The following LONP2 variants were observed in gnomAD, a reference collection of about 807,000 sequenced individuals.
LONP2 encodes lon peptidase 2, peroxisomal.
A neutral mutation model predicts 85.6 loss-of-function variants in LONP2; 60 were observed. The observed-to-expected ratio is 0.70, with a 90% confidence interval of 0.57 to 0.87. The LOEUF (loss-of-function observed/expected upper bound fraction) is 0.87. Ranked by LOEUF, LONP2 falls within the 40% of genes least tolerant of loss-of-function variation. LONP2 has a pLI of 0.00. For missense variants in LONP2, 860 were observed against 1,063.5 expected, an observed-to-expected ratio of 0.81 and a Z score of 2.66; for synonymous variants, 395 against 389.7, an observed-to-expected ratio of 1.01 and a Z score of -0.16.
chr16:48,282,835 G>A (rs1378987999), intron 8 of LONP2, among the ~76,000 whole-genome samples: 9 of 152,112 alleles, frequency 5.9e-5, no homozygotes, highest in African/African-American at 2.2e-4. Context: ...ATTGTAAATC[G>A]AAAGCTAAAA....
At chr16:48,274,770 ATTTGT>A (rs1288945883) in intron 7 of LONP2, among the ~76,000 whole-genome samples, 1 of 152,118 alleles carries the variant, frequency 6.6e-6, no homozygotes, top group African/African-American at 2.4e-5. Context: ...CACTGTTAAC[ATTTGT>A]TTTGTTCTGC....
intron 12 of LONP2, among the ~76,000 whole-genome samples, chr16:48,341,930 C>G (rs919513312): frequency 1.3e-5 from 2 of 152,170 alleles, no homozygotes; most frequent in Non-Finnish European, 2.9e-5. Context: ...GGCACCTCCT[C>G]AGTCACTGGC....
intron 13 of LONP2, among the ~76,000 whole-genome samples, 189 bp downstream of exon 13, chr16:48,347,903 AG>A (rs1960019464): frequency 6.6e-6 from 1 of 152,232 alleles, no homozygotes; most frequent in Admixed American, 6.5e-5. Flanking sequence ...CTAATTCAAA[AG>A]GTTTATTTTG....
At chr16:48,244,834 C>T (rs577122810) in intron 1 of LONP2, among the ~76,000 whole-genome samples, 1 of 152,204 alleles carries the variant, frequency 6.6e-6, no homozygotes, top group Non-Finnish European at 1.5e-5. Flanking sequence ...GTGCCTGACA[C>T]CTGGTGAAAC....
intron 3 of LONP2, 40 bp downstream of exon 3, chr16:48,256,781 T>G (rs527830086): frequency 1.2e-6 from 2 of 1,601,034 alleles, no homozygotes; most frequent in African/African-American, 1.3e-5. Flanking sequence ...GCTTTGTCAC[T>G]TTTTATTGAG....
intron 6 of LONP2, among the ~76,000 whole-genome samples, chr16:48,263,709 G>T (rs1190303013): frequency 1.3e-5 from 2 of 152,180 alleles, no homozygotes; most frequent in African/African-American, 2.4e-5. Context: ...CAGTTCCTTT[G>T]GCTGTTTACC....
At position 48,354,623 on chromosome 16, in the gene LONP2, C is replaced by G. The variant is rs150277141; in HGVS notation, c.*2821C>G. The G allele has an allele frequency of 1.3e-5, 2 of 152,394 alleles. No homozygotes were observed. Among genetic ancestry groups the G allele is most frequent in the Admixed American group, 1.3e-4 (2 of 15,298 alleles). 9.4% of individuals were successfully genotyped at this position (152,394 alleles called of 1,614,324 possible). On this transcript the variant is annotated 3_prime_UTR_variant, in exon 15 of 15. Transcript: ENST00000285737. ...ACTATTTCACTTTCTTTCTGAATTT[C>G]CCTTCATATGAGTGGGATCAAACAA...
rs557871867 is a variant in LONP2, at chr16:48,245,743, G to A, written c.233+1122G>A. Among the ~76,000 whole-genome samples the A allele has an allele frequency of 2.6e-5, 4 of 152,258 alleles. No homozygotes were observed. The South Asian group carries it at 8.3e-4, about 32-fold the overall frequency. ...AAAGGTAATATTTTGAGTACTTGGG[G>A]TTAATAAAATGTTAAGATTTCTGCT... On this transcript the variant is annotated intron_variant, in intron 1 of 14. Coordinates refer to ENST00000285737, the MANE Select transcript of LONP2 (RefSeq NM_031490.5).
intron 7 of LONP2, among the ~76,000 whole-genome samples, chr16:48,271,370 C>G (rs1045473279): frequency 2.0e-5 from 3 of 152,082 alleles, no homozygotes; most frequent in African/African-American, 7.2e-5. Context: ...GAAAACATAC[C>G]TATAGTGTAT....
intron 11 of LONP2, among the ~76,000 whole-genome samples, chr16:48,311,361 CT>C (rs568352293): frequency 1.7e-3 from 236 of 140,542 alleles, no homozygotes; most frequent in Middle Eastern, 3.7e-3. Flanking sequence ...ATTCTTTTTT[CT>C]TTTTTTTTTT....
In LONP2 at chr16:48,348,230, GC is replaced by G; in HGVS notation, c.2278del (p.Leu760TrpfsTer6). 1 of 1,611,720 alleles carries G rather than the reference GC, an allele frequency of 6.2e-7. No individual in the cohort carries two copies. The highest frequency in any genetic ancestry group is 8.5e-7 in the Non-Finnish European group (1 of 1,179,436). On this transcript the variant is annotated frameshift_variant, in exon 14 of 15. Coordinates refer to ENST00000285737, the MANE Select transcript of LONP2 (RefSeq NM_031490.5). LOFTEE classifies it high-confidence loss of function. ...TCLASLFSGR[L>X]VRSDVAMTGE... ...GTCTCGCCTCACTTTTTAGTGGGCG[GC>G]TGGTACGTTCAGATGTAGCCATGAC...
rs371836236 is a variant in LONP2, at chr16:48,347,635, C to T, written c.2067C>T (p.Leu689=). 4.8e-5 allele frequency: 77 copies of T among 1,614,216 alleles called. 1 individual carries two copies. Among genetic ancestry groups the T allele is most frequent in the African/African-American group, 1.5e-4 (11 of 75,048 alleles). Residue 689 remains leucine (L), a synonymous_variant, in exon 13 of 15, where the codon CTC becomes CTT. Coordinates refer to ENST00000285737, the MANE Select transcript of LONP2 (RefSeq NM_031490.5). The part of the protein sequence containing the change: ...GEGQLTLTGQ[L]GDVMKESAHL... The stretch of plus-strand genomic sequence containing the variant: ...GCCAGTTAACTCTGACCGGCCAGCT[C>T]GGGGACGTGATGAAGGAGTCCGCCC...
In LONP2 at chr16:48,334,238, A is replaced by C. The variant is rs754960151; in HGVS notation, c.1818A>C (p.Glu606Asp). The stretch of plus-strand genomic sequence containing the variant: ...TAGGTTGCAGAGAACACATCTTAGA[A>C]GATGAAAAACCTGAATCTATCAGTG... ...EREGCREHIL[E>D]DEKPESISDT... The change falls in exon 12 of 15, where the codon GAA becomes GAC. Residue 606 changes from glutamate (E) to aspartate (D), a missense_variant. Glu to Asp is a conservative substitution (Grantham distance 45). Coordinates refer to ENST00000285737, the MANE Select transcript of LONP2 (RefSeq NM_031490.5). 1 of 1,614,108 alleles carries C rather than the reference A, an allele frequency of 6.2e-7. No individual in the cohort carries two copies. Among genetic ancestry groups the C allele is most frequent in the East Asian group, 2.2e-5 (1 of 44,888 alleles).
chr16:48,306,719 A>G (rs918840768), intron 11 of LONP2, among the ~76,000 whole-genome samples: 2 of 152,192 alleles, frequency 1.3e-5, no homozygotes, highest in African/African-American at 4.8e-5. Flanking sequence ...TATGACCTCA[A>G]CCAAACCAAA....
At chr16:48,273,197 T>G (rs1395494272) in intron 7 of LONP2, among the ~76,000 whole-genome samples, 1 of 152,202 alleles carries the variant, frequency 6.6e-6, no homozygotes, top group Non-Finnish European at 1.5e-5. Flanking sequence ...GCTTTGTTAT[T>G]GTCCTTGCTT....
At chr16:48,299,566 A>C in intron 9 of LONP2, 96 bp from the exon 10 acceptor site, 1 of 1,367,096 alleles carries the variant, frequency 7.3e-7, no homozygotes, top group Non-Finnish European at 1.0e-6. Flanking sequence ...TGGGCGACAG[A>C]GCAAGACTCT....
At chr16:48,336,422 G>A in intron 12 of LONP2, 1 of 456,254 alleles carries the variant, frequency 2.2e-6, no homozygotes, top group Non-Finnish European at 4.4e-6. Context: ...GATGTGGTGT[G>A]TCACATGCGT....
At position 48,317,994 on chromosome 16, in the gene LONP2, A is replaced by G. The variant is rs571035948; in HGVS notation, c.1795+14689A>G. 2.0e-5 allele frequency among the ~76,000 whole-genome samples: 3 copies of G among 152,266 alleles called. No individual in the cohort carries two copies. The East Asian group carries it at 5.8e-4, about 29-fold the overall frequency. On this transcript the variant is annotated intron_variant, in intron 11 of 14. Coordinates refer to ENST00000285737, the MANE Select transcript of LONP2 (RefSeq NM_031490.5). ...TCAACCTAATGTAGTGGAAGGAAGT[A>G]GGTATTACATCCTTAATTCCTTGAT... is the stretch of plus-strand genomic sequence containing the variant.
At chr16:48,309,961 T>C (rs1972994925) in intron 11 of LONP2, among the ~76,000 whole-genome samples, 1 of 152,170 alleles carries the variant, frequency 6.6e-6, no homozygotes, top group Non-Finnish European at 1.5e-5. Context: ...CCTAGTAGTA[T>C]TTGTTTTATT....
Sources: allele counts gnomAD v4.1 joint callset (sites outside exome capture counted in the v4.1 genomes callset), GRCh38; gene constraint gnomAD v4.1.1; transcripts MANE v1.5; gene names NCBI Gene and HGNC (gene_info 2026-07-23, HGNC 2026-07-21).